Variants in CA10 observed in about 807,000 individuals in gnomAD.
CA10 encodes the protein carbonic anhydrase-related protein 10.
In CA10, 14 loss-of-function variants were observed where a neutral mutation model predicts 44.2. The observed-to-expected ratio is 0.32, with a 90% CI of 0.21 to 0.50. The LOEUF (loss-of-function observed/expected upper bound fraction) is 0.50, where lower values mean the gene tolerates loss of function less well. Ranked by LOEUF, CA10 falls within the 20% of genes least tolerant of loss-of-function variation. The probability of loss-of-function intolerance (pLI) is 0.99; values close to 1 mark genes in which losing one functional copy is unlikely to be tolerated. For synonymous variants in CA10, 159 were observed against 141.6 expected (o/e 1.12, Z -0.87); for missense variants, 350 against 409.7 (o/e 0.85, Z 1.26).
At chr17:51,923,139 C>G (rs1982295784) in intron 3 of CA10, among the ~76,000 whole-genome samples, 1 of 152,154 alleles carries the variant, frequency 6.6e-6, no homozygotes, top group Non-Finnish European at 1.5e-5. Flanking sequence ...TGCTTAAAGA[C>G]AGCTATTGAG....
At chr17:52,034,506 G>A (rs964654367) in intron 2 of CA10, among the ~76,000 whole-genome samples, 1 of 152,162 alleles carries the variant, frequency 6.6e-6, no homozygotes, top group Non-Finnish European at 1.5e-5. Flanking sequence ...AAAGAGAAGA[G>A]GGAAATGTGA....
chr17:51,731,014 G>A (rs746730518), intron 4 of CA10, among the ~76,000 whole-genome samples: 2 of 152,136 alleles, frequency 1.3e-5, no homozygotes, highest in Non-Finnish European at 2.9e-5. Context: ...TCCCTGACTG[G>A]GTGTGGATGA....
intron 4 of CA10, among the ~76,000 whole-genome samples, chr17:51,671,711 G>T (rs1044205068): frequency 6.6e-6 from 1 of 152,158 alleles, no homozygotes; most frequent in African/African-American, 2.4e-5. Flanking sequence ...GCCACATTTG[G>T]GTCTTTATCC....
At chr17:51,810,201 A>G (rs1907303782) in intron 3 of CA10, among the ~76,000 whole-genome samples, 1 of 152,246 alleles carries the variant, frequency 6.6e-6, no homozygotes, top group Non-Finnish European at 1.5e-5. Flanking sequence ...AACAAAAGTG[A>G]TTGCTTATCT....
At chr17:51,882,573 T>C (rs894766570) in intron 3 of CA10, among the ~76,000 whole-genome samples, 4 of 152,206 alleles carry the variant, frequency 2.6e-5, no homozygotes, top group African/African-American at 9.6e-5. Context: ...AAGTCTATGA[T>C]GGTAACACTT....
intron 2 of CA10, among the ~76,000 whole-genome samples, chr17:52,055,585 A>G (rs1206991101): frequency 1.3e-5 from 2 of 152,120 alleles, no homozygotes; most frequent in Non-Finnish European, 2.9e-5. Context: ...ATTCCTGATT[A>G]AAAATCAAGA....
chr17:51,788,231 TA>T (rs1906371183), intron 3 of CA10, among the ~76,000 whole-genome samples: 1 of 152,252 alleles, frequency 6.6e-6, no homozygotes, highest in Non-Finnish European at 1.5e-5. Flanking sequence ...GCAGATTGTT[TA>T]ATTTCCATGT....
intron 1 of CA10, among the ~76,000 whole-genome samples, chr17:52,135,530 C>T (rs901825153): frequency 6.6e-6 from 1 of 152,118 alleles, no homozygotes; most frequent in Non-Finnish European, 1.5e-5. Flanking sequence ...ATGACTCCTC[C>T]TATAGCTTAT....
At chr17:51,837,843 T>G (rs1978292281) in intron 3 of CA10, among the ~76,000 whole-genome samples, 1 of 152,236 alleles carries the variant, frequency 6.6e-6, no homozygotes, top group Non-Finnish European at 1.5e-5. Flanking sequence ...GAGTTTCAAA[T>G]CAGTTAATTA....
rs113411297 is a variant in CA10, at chr17:51,909,940, A to C, written c.279+21050T>G. 4.3e-3 allele frequency among the ~76,000 whole-genome samples: 655 copies of C among 152,166 alleles called. 3 individuals carry two copies. The highest frequency in any genetic ancestry group is 0.015 in the African/African-American group (620 of 41,534). ...AGTTCTTCCACTCTGTAATTGGAAA[A>C]ATTTTTCGCTTCAATTTTAAAAATT... On this transcript the variant is annotated intron_variant, in intron 3 of 8. Transcript: ENST00000451037.
chr17:51,904,571 C>T (rs968669012), intron 3 of CA10, among the ~76,000 whole-genome samples: 6 of 152,050 alleles, frequency 3.9e-5, no homozygotes, highest in African/African-American at 1.4e-4. Flanking sequence ...AAAAAAGTCA[C>T]GTGATACACT....
chr17:52,131,553 T>C (rs1433205434), intron 1 of CA10, among the ~76,000 whole-genome samples: 1 of 152,186 alleles, frequency 6.6e-6, no homozygotes, highest in African/African-American at 2.4e-5. Context: ...GGTTTATTTG[T>C]TTTATAATTA....
rs148412361 is a variant in CA10, at chr17:51,966,180, G to C, written c.137-35048C>G. ...AGGAGGTGAGAGATCTCTACAACAA[G>C]AACTTCAAAACACTGCTCAATGAAA... On this transcript the variant is annotated intron_variant, in intron 2 of 8. Transcript: ENST00000451037. Among the ~76,000 whole-genome samples, 332 of 151,884 alleles carry C rather than the reference G, an allele frequency of 2.2e-3. 2 individuals carry two copies. Among genetic ancestry groups the C allele is most frequent in the Middle Eastern group, 0.01 (3 of 294 alleles).
chr17:52,019,376 G>A (rs546261342), intron 2 of CA10, among the ~76,000 whole-genome samples: 2 of 152,094 alleles, frequency 1.3e-5, no homozygotes, highest in East Asian at 3.9e-4. Context: ...ACATGTTAAT[G>A]TTTCTCTGTA....
chr17:52,052,299 TAAA>T (rs149731635), intron 2 of CA10, among the ~76,000 whole-genome samples: 2,468 of 145,026 alleles, frequency 0.017, 33 homozygotes, highest in South Asian at 0.031. Flanking sequence ...CTTTTTTTTT[TAAA>T]AAAAAAAAAA....
At chr17:51,722,330 T>G (rs190380538) in intron 4 of CA10, among the ~76,000 whole-genome samples, 88 of 152,274 alleles carry the variant, frequency 5.8e-4, no homozygotes, top group Admixed American at 4.0e-3. Context: ...TGATCTGGCC[T>G]AATTCCAGTG....
chr17:51,645,586 A>C (rs188645263), intron 6 of CA10, among the ~76,000 whole-genome samples: 1 of 152,364 alleles, frequency 6.6e-6, no homozygotes, highest in Admixed American at 6.5e-5. Context: ...AATAGCAAAA[A>C]GATGCTTCTT....
At chr17:51,729,083 G>A (rs1364586882) in intron 4 of CA10, among the ~76,000 whole-genome samples, 6 of 152,180 alleles carry the variant, frequency 3.9e-5, no homozygotes, top group Non-Finnish European at 8.8e-5. Context: ...AAACCCTCCA[G>A]TGACTCCCGT....
intron 3 of CA10, among the ~76,000 whole-genome samples, chr17:51,773,846 A>G (rs1567835005): frequency 6.6e-6 from 1 of 152,110 alleles, no homozygotes; most frequent in Non-Finnish European, 1.5e-5. Flanking sequence ...TCCAATTGCT[A>G]CTTGCAACAC....
Sources: allele counts gnomAD v4.1 joint callset (sites outside exome capture counted in the v4.1 genomes callset), GRCh38; gene constraint gnomAD v4.1.1; transcripts MANE v1.5; gene names NCBI Gene and HGNC (gene_info 2026-07-23, HGNC 2026-07-21).